Variants in PCGF3 observed in about 807,000 individuals in gnomAD.
PCGF3 encodes the protein polycomb group RING finger protein 3.
Under a neutral mutation model 33.1 loss-of-function variants are expected in PCGF3, and 7 were observed. The ratio of observed to expected loss-of-function variants is 0.21; its 90% CI spans 0.12 to 0.40. The LOEUF is 0.40. Among genes scored for constraint, PCGF3 ranks in the 10% least tolerant of loss-of-function variants. The probability of loss-of-function intolerance (pLI) is 1.00; values close to 1 mark genes in which losing one functional copy is unlikely to be tolerated. For synonymous variants in PCGF3, 153 were observed against 121.3 expected, an observed-to-expected ratio of 1.26 and a Z score of -1.72; for missense variants, 211 against 313.3, an observed-to-expected ratio of 0.67 and a Z score of 2.46.
intron 1 of PCGF3, among the ~76,000 whole-genome samples, chr4:719,985 G>A (rs1004920632): frequency 6.6e-6 from 1 of 152,200 alleles, no homozygotes; most frequent in African/African-American, 2.4e-5. Context: ...AACAGCTAAT[G>A]TTGGGCTGGG....
At chr4:717,376 A>G (rs2109536930) in intron 1 of PCGF3, among the ~76,000 whole-genome samples, 1 of 152,316 alleles carries the variant, frequency 6.6e-6, no homozygotes, top group South Asian at 2.1e-4. Flanking sequence ...CCCTGTGGAC[A>G]CTGTGAGTGT....
At chr4:758,543 A>AGTT (rs1311432963) in intron 8 of PCGF3, among the ~76,000 whole-genome samples, 8 of 111,200 alleles carry the variant, frequency 7.2e-5, no homozygotes. Flanking sequence ...CCCTCTCCCG[A>AGTT]GTTCTCCCTC....
At chr4:751,264 G>A (rs867656944) in intron 8 of PCGF3, among the ~76,000 whole-genome samples, 12 of 152,262 alleles carry the variant, frequency 7.9e-5, no homozygotes, top group Middle Eastern at 3.4e-3. Context: ...CCGAGGGTTT[G>A]TTCCAGATTG....
intron 1 of PCGF3, among the ~76,000 whole-genome samples, chr4:714,858 C>T (rs1439733639): frequency 5.3e-5 from 8 of 152,254 alleles, no homozygotes; most frequent in Non-Finnish European, 1.0e-4. Context: ...CTTCAAAAGT[C>T]CCTTTACAGC....
At chr4:756,856 C>G (rs1405873746) in intron 8 of PCGF3, among the ~76,000 whole-genome samples, 1 of 152,180 alleles carries the variant, frequency 6.6e-6, no homozygotes, top group Non-Finnish European at 1.5e-5. Flanking sequence ...TGGAAACCAT[C>G]TGAGACTGCC....
At chr4:751,657 G>C (rs1531584) in intron 8 of PCGF3, among the ~76,000 whole-genome samples, 34,207 of 150,542 alleles carry the variant, frequency 0.23, 4,503 homozygotes, top group Admixed American at 0.34. Context: ...CTGCCACCCA[G>C]GCCCATGTTT....
At chr4:748,575 G>A (rs565851960) in intron 8 of PCGF3, among the ~76,000 whole-genome samples, 1 of 152,222 alleles carries the variant, frequency 6.6e-6, no homozygotes, top group Non-Finnish European at 1.5e-5. Flanking sequence ...TGTGTCCAAC[G>A]TGGGATGTGA....
intron 1 of PCGF3, among the ~76,000 whole-genome samples, chr4:713,405 G>T (rs367794003): frequency 5.5e-4 from 82 of 149,628 alleles, no homozygotes; most frequent in Middle Eastern, 3.5e-3. Context: ...GTGGCCTTGT[G>T]GGGGCTGTGG....
chr4:751,673 C>G (rs540397085), intron 8 of PCGF3, among the ~76,000 whole-genome samples: 1 of 152,200 alleles, frequency 6.6e-6, no homozygotes, highest in East Asian at 1.9e-4. Flanking sequence ...TGTTTCTGCT[C>G]TCAGCCTTGT....
At chr4:709,026 A>G (rs1446760179) in intron 1 of PCGF3, among the ~76,000 whole-genome samples, 1 of 152,220 alleles carries the variant, frequency 6.6e-6, no homozygotes, top group Non-Finnish European at 1.5e-5. Context: ...TGGTAATGAA[A>G]AAGTGGGGTG....
At chr4:727,777 T>C (rs1430612738) in intron 1 of PCGF3, among the ~76,000 whole-genome samples, 1 of 151,664 alleles carries the variant, frequency 6.6e-6, no homozygotes, top group East Asian at 1.9e-4. Flanking sequence ...TTCACCTCTG[T>C]GTTTCCTGGT....
In PCGF3 at chr4:720,147, C is replaced by T. The variant is rs1405664986; in HGVS notation, c.-189-10483C>T. ...TGAGTGACAGCCCTGGACGTGCTGT[C>T]GCCTCATGAGGACGCCGATGTGGCC... On this transcript the variant is annotated intron_variant, in intron 1 of 10. Transcript: ENST00000362003. The surrounding 1 kb of genome is among the most constrained non-coding windows in gnomAD (Gnocchi z 5.6). 1.3e-5 allele frequency among the ~76,000 whole-genome samples: 2 copies of T among 152,200 alleles called. No homozygotes were observed. Among genetic ancestry groups the T allele is most frequent in the Non-Finnish European group, 2.9e-5 (2 of 68,032 alleles).
chr4:717,670 G>T (rs1377393280), intron 1 of PCGF3, among the ~76,000 whole-genome samples: 1 of 152,188 alleles, frequency 6.6e-6, no homozygotes, highest in Admixed American at 6.5e-5. Context: ...GAGCCACCGC[G>T]CCCGGCTGTG....
Position 733,668 on chromosome 4 carries a change from GT to G in PCGF3, c.-9-3del. ...GTGTTAATTAATCGCGTTTTCTCTT[GT>G]AGAAGCCAAAGATGTTGACCAGGAA... On this transcript the variant is annotated splice_polypyrimidine_tract_variant and splice_region_variant and intron_variant, in intron 3 of 10. Coordinates refer to ENST00000362003, the Ensembl canonical transcript of PCGF3. The G allele has an allele frequency of 6.3e-7, 1 of 1,598,092 alleles. No homozygotes were observed. Among genetic ancestry groups the G allele is most frequent in the Non-Finnish European group, 8.5e-7 (1 of 1,176,720 alleles).
intron 6 of PCGF3, among the ~76,000 whole-genome samples, chr4:738,573 G>A (rs570143155): frequency 9.8e-4 from 148 of 151,518 alleles, no homozygotes; most frequent in Non-Finnish European, 9.9e-4. Context: ...TTTGTGGCCG[G>A]GTGCAGTGGC....
chr4:755,165 C>T (rs755029986), intron 8 of PCGF3, among the ~76,000 whole-genome samples: 11 of 152,228 alleles, frequency 7.2e-5, no homozygotes, highest in Admixed American at 2.0e-4. Context: ...GTGCGTGGCA[C>T]GTGTTGTTAC....
chr4:741,851 C>G (rs1009310748), intron 6 of PCGF3, among the ~76,000 whole-genome samples: 1 of 152,112 alleles, frequency 6.6e-6, no homozygotes, highest in Non-Finnish European at 1.5e-5. Flanking sequence ...CCACTGTGTC[C>G]GTGGGGCTCT....
intron 1 of PCGF3, among the ~76,000 whole-genome samples, chr4:716,086 A>G (rs866714424): frequency 2.4e-3 from 206 of 84,516 alleles, no homozygotes; most frequent in African/African-American, 7.8e-3. Context: ...AGAACCGGGC[A>G]TCGGTGCTGG....
At chr4:764,305 A>T (rs1343564790) in intron 9 of PCGF3, among the ~76,000 whole-genome samples, 2 of 152,190 alleles carry the variant, frequency 1.3e-5, no homozygotes, top group South Asian at 2.1e-4. Context: ...TAATTTTTTT[A>T]AAAGACTGGG....
Sources: gnomAD v4.1 joint callset for allele counts (sites outside exome capture counted in the v4.1 genomes callset) on GRCh38, gnomAD v4.1.1 for gene constraint, Gnocchi (gnomAD v3.1) non-coding constraint, MANE v1.5 for transcripts, NCBI Gene and HGNC (gene_info 2026-07-23, HGNC 2026-07-21) for gene names.